The following TEAD1 variants were observed in gnomAD, a reference collection of about 807,000 sequenced individuals.
TEAD1 encodes the protein transcriptional enhancer factor TEF-1.
A neutral mutation model predicts 54.9 loss-of-function variants in TEAD1; 9 were observed. The observed-to-expected ratio is 0.16, with a 90% CI of 0.10 to 0.29. TEAD1 has a LOEUF of 0.29. Among genes scored for constraint, TEAD1 ranks in the 10% least tolerant of loss-of-function variants. TEAD1 has a pLI of 1.00. For synonymous variants in TEAD1, 200 were observed against 187.8 expected (o/e 1.07, Z -0.53); for missense variants, 387 against 535.9 (o/e 0.72, Z 2.74).
At chr11:12,705,149 C>T (rs1286474940) in intron 2 of TEAD1, among the ~76,000 whole-genome samples, 2 of 152,194 alleles carry the variant, frequency 1.3e-5, no homozygotes, top group Non-Finnish European at 2.9e-5. Flanking sequence ...GAGGCAGGAG[C>T]TAAGCTGACA....
chr11:12,805,339 A>G (rs1046933304), intron 3 of TEAD1, among the ~76,000 whole-genome samples: 1 of 152,206 alleles, frequency 6.6e-6, no homozygotes, highest in Non-Finnish European at 1.5e-5. Flanking sequence ...ATGTTAGAAC[A>G]TTTGTAACTA....
chr11:12,678,464 A>G (rs1293121829), intron 2 of TEAD1, among the ~76,000 whole-genome samples: 5 of 152,156 alleles, frequency 3.3e-5, no homozygotes, highest in Non-Finnish European at 1.5e-5. Flanking sequence ...ACCTTGTGGT[A>G]TTTAAGTTGC....
At chr11:12,753,379 C>G (rs1289090784) in intron 2 of TEAD1, among the ~76,000 whole-genome samples, 2 of 152,180 alleles carry the variant, frequency 1.3e-5, no homozygotes, top group Admixed American at 1.3e-4. Flanking sequence ...CCAATTTGCG[C>G]TCTCATCAGT....
chr11:12,710,797 G>A (rs936116174), intron 2 of TEAD1, among the ~76,000 whole-genome samples: 4 of 152,106 alleles, frequency 2.6e-5, no homozygotes, highest in African/African-American at 9.7e-5. Context: ...ATGGCAGGTG[G>A]GTTGTTGTGA....
intron 2 of TEAD1, among the ~76,000 whole-genome samples, chr11:12,762,340 T>C (rs1945118886): frequency 1.3e-5 from 2 of 151,052 alleles, no homozygotes; most frequent in African/African-American, 4.8e-5. Flanking sequence ...GAACAGACTC[T>C]AGAGTATAGT....
At chr11:12,694,018 A>T (rs1309556843) in intron 2 of TEAD1, among the ~76,000 whole-genome samples, 1 of 152,140 alleles carries the variant, frequency 6.6e-6, no homozygotes, top group East Asian at 1.9e-4. Context: ...AACTGTTTAT[A>T]ATTTGTGGTC....
chr11:12,718,183 C>T (rs985452609), intron 2 of TEAD1, among the ~76,000 whole-genome samples: 10 of 152,138 alleles, frequency 6.6e-5, no homozygotes, highest in African/African-American at 2.2e-4. Flanking sequence ...TCTGTGGGGA[C>T]GTGCCCCAGG....
At chr11:12,705,012 A>G (rs538588257) in intron 2 of TEAD1, among the ~76,000 whole-genome samples, 2 of 152,250 alleles carry the variant, frequency 1.3e-5, no homozygotes, top group Non-Finnish European at 2.9e-5. Flanking sequence ...GACTGGATTA[A>G]TGAATGAGTG....
intron 2 of TEAD1, among the ~76,000 whole-genome samples, chr11:12,701,274 T>C (rs754535339): frequency 1.7e-4 from 26 of 152,130 alleles, no homozygotes; most frequent in Admixed American, 6.6e-4. Flanking sequence ...TTTAAAACTA[T>C]TGAAAGTCAG....
In TEAD1 at chr11:12,709,435, T is replaced by G. The variant is rs535071116; in HGVS notation, c.-55+33874T>G. On this transcript the variant is annotated intron_variant, in intron 2 of 12. Transcript: ENST00000527636. ...TTAATTTTTTTTTAAAGATGTGGTCTTGCTATGTTGCTCAGGTTACACTTG... is the reference window on the plus strand; with the variant it reads ...TTAATTTTTTTTTAAAGATGTGGTCGTGCTATGTTGCTCAGGTTACACTTG... 1.8e-4 allele frequency among the ~76,000 whole-genome samples: 27 copies of G among 152,308 alleles called. No individual in the cohort carries two copies. The Middle Eastern group carries it at 0.014, about 77-fold the overall frequency.
At chr11:12,796,746 A>G (rs1033935412) in intron 3 of TEAD1, among the ~76,000 whole-genome samples, 3 of 151,834 alleles carry the variant, frequency 2.0e-5, no homozygotes, top group African/African-American at 7.3e-5. Context: ...AAAATTTAGC[A>G]ATTCTTGTTA....
At chr11:12,675,923 A>G (rs1943076029) in intron 2 of TEAD1, among the ~76,000 whole-genome samples, 1 of 152,192 alleles carries the variant, frequency 6.6e-6, no homozygotes, top group Admixed American at 6.5e-5. Context: ...TTATGAAACA[A>G]TGAAATACCA....
chr11:12,855,243 T>C (rs995285971), intron 3 of TEAD1, among the ~76,000 whole-genome samples: 4 of 152,172 alleles, frequency 2.6e-5, no homozygotes, highest in Non-Finnish European at 5.9e-5. Flanking sequence ...ATCTATACTT[T>C]TTGGTTGTTG....
intron 3 of TEAD1, among the ~76,000 whole-genome samples, chr11:12,837,739 C>A (rs1241218001): frequency 7.1e-6 from 1 of 141,410 alleles, no homozygotes; most frequent in Non-Finnish European, 1.5e-5. Context: ...TCTCCTCCTC[C>A]TTCTTCTTCC....
rs10700151 is a variant in TEAD1 at position 12,821,961 on chromosome 11, C to CTTTTTTTTTTTTTTTTTTTTTTTTTTTT, written c.203-40269_203-40268insTTTTTTTTTTTTTTTTTTTTTTTTTTTT. The stretch of plus-strand genomic sequence containing the variant: ...TACTCTCTCTCCTTTTTCTCTTTTC[C>CTTTTTTTTTTTTTTTTTTTTTTTTTTTT]TTTTTTTTTTTTTTTTTTTTGAGAC... On this transcript the variant is annotated intron_variant, in intron 3 of 12. Transcript: ENST00000527636. Among the ~76,000 whole-genome samples the CTTTTTTTTTTTTTTTTTTTTTTTTTTTT allele has an allele frequency of 5.0e-4, 34 of 68,068 alleles. 8 individuals are homozygous for CTTTTTTTTTTTTTTTTTTTTTTTTTTTT. The highest frequency in any genetic ancestry group is 9.5e-4 in the African/African-American group (15 of 15,844). The allele number at this position is 68,068 out of a possible 152,430, so 44.7% of individuals were successfully genotyped here. A position where few individuals can be genotyped will look rare whatever the true frequency, so the allele number is the denominator to read the frequency against.
chr11:12,875,484 T>A (rs1402905935), intron 5 of TEAD1, among the ~76,000 whole-genome samples: 3 of 152,206 alleles, frequency 2.0e-5, no homozygotes, highest in African/African-American at 7.2e-5. Context: ...TGGTTCTGAT[T>A]TCAAGATATC....
At chr11:12,913,022 A>G (rs1409401547) in intron 10 of TEAD1, among the ~76,000 whole-genome samples, 1 of 152,192 alleles carries the variant, frequency 6.6e-6, no homozygotes, top group East Asian at 1.9e-4. Flanking sequence ...AGCTTGATTC[A>G]TGCTGTCACC....
intron 3 of TEAD1, among the ~76,000 whole-genome samples, chr11:12,802,200 A>G (rs1317674790): frequency 6.6e-6 from 1 of 152,230 alleles, no homozygotes; most frequent in Non-Finnish European, 1.5e-5. Flanking sequence ...ATGAGACCAC[A>G]TCTGAACCAG....
chr11:12,837,805 CT>C (rs575848575), intron 3 of TEAD1, among the ~76,000 whole-genome samples: 230 of 75,764 alleles, frequency 3.0e-3, no homozygotes, highest in Admixed American at 3.8e-3. Flanking sequence ...CTTCCTTCTT[CT>C]TTTTTTTTTT....
Sources: allele counts gnomAD v4.1 joint callset (sites outside exome capture counted in the v4.1 genomes callset), GRCh38; gene constraint gnomAD v4.1.1; transcripts MANE v1.5; gene names NCBI Gene and HGNC (gene_info 2026-07-23, HGNC 2026-07-21).